Variants in ATP2B2 observed in about 807,000 individuals in gnomAD.
ATP2B2 encodes the protein plasma membrane calcium-transporting ATPase 2.
ATP2B2 carries 15 observed loss-of-function variants against 120.0 expected under a neutral mutation model. The observed-to-expected ratio is 0.12, with a 90% CI of 0.08 to 0.19. The LOEUF (loss-of-function observed/expected upper bound fraction) is 0.19, where lower values mean the gene tolerates loss of function less well. Ranked by LOEUF, ATP2B2 falls within the 10% of genes least tolerant of loss-of-function variation. The pLI is 1.00. For missense variants in ATP2B2, 1,045 were observed against 1,719.8 expected (o/e 0.61, Z 6.94); for synonymous variants, 694 against 700.3 (o/e 0.99, Z 0.14).
chr3:10,435,720 G>A (rs2125118807), intron 2 of ATP2B2, among the ~76,000 whole-genome samples: 1 of 152,230 alleles, frequency 6.6e-6, no homozygotes, highest in South Asian at 2.1e-4. Context: ...GAAGTGAGGA[G>A]GTAGAGGTGG....
intron 22 of ATP2B2, among the ~76,000 whole-genome samples, chr3:10,336,749 C>T (rs77514243): frequency 0.031 from 4,743 of 152,262 alleles, 246 homozygotes; most frequent in African/African-American, 0.11. Flanking sequence ...CTCTCTGAGT[C>T]GAGTTTCTTG....
chr3:10,541,912 A>C (rs1028104507), intron 2 of ATP2B2, among the ~76,000 whole-genome samples: 1 of 152,096 alleles, frequency 6.6e-6, no homozygotes, highest in Admixed American at 6.5e-5. Context: ...TTTTTGCCTT[A>C]CATATTTTAC....
intron 5 of ATP2B2, among the ~76,000 whole-genome samples, chr3:10,391,217 G>A (rs1459192014): frequency 6.6e-6 from 1 of 152,184 alleles, no homozygotes; most frequent in Non-Finnish European, 1.5e-5. Flanking sequence ...TCAGAGTGGA[G>A]GGGTGGACTG....
intron 17 of ATP2B2, 73 bp from the exon 18 acceptor site, chr3:10,345,648 C>T (rs1047949586): frequency 1.1e-5 from 15 of 1,411,422 alleles, no homozygotes; most frequent in Non-Finnish European, 1.4e-5. Context: ...ACCATCCTCA[C>T]TCCCTCCACT....
At chr3:10,535,279 C>G (rs1380801187) in intron 2 of ATP2B2, among the ~76,000 whole-genome samples, 1 of 152,134 alleles carries the variant, frequency 6.6e-6, no homozygotes, top group Non-Finnish European at 1.5e-5. Context: ...AGATCCCATG[C>G]ACCTCCCTCC....
At chr3:10,690,059 C>T (rs1020190835) in intron 1 of ATP2B2, among the ~76,000 whole-genome samples, 3 of 152,236 alleles carry the variant, frequency 2.0e-5, no homozygotes, top group African/African-American at 7.2e-5. Context: ...ACTCTGTCCT[C>T]CAACTGCAGA....
intron 2 of ATP2B2, among the ~76,000 whole-genome samples, chr3:10,433,652 G>A (rs2063390501): frequency 6.6e-6 from 1 of 152,162 alleles, no homozygotes; most frequent in African/African-American, 2.4e-5. Context: ...TAGAGTGCCT[G>A]GGAGAACCCA....
intron 2 of ATP2B2, among the ~76,000 whole-genome samples, chr3:10,548,530 A>G (rs1402741522): frequency 2.0e-5 from 3 of 152,168 alleles, no homozygotes; most frequent in Non-Finnish European, 4.4e-5. Context: ...CAGTTGGTGT[A>G]TAGATAGTGT....
At chr3:10,665,012 A>C (rs987247846) in intron 1 of ATP2B2, among the ~76,000 whole-genome samples, 1 of 152,088 alleles carries the variant, frequency 6.6e-6, no homozygotes, top group Admixed American at 6.6e-5. Context: ...TCCTCCTCTG[A>C]GCCACTAGCA....
chr3:10,417,783 T>C (rs956302269), intron 2 of ATP2B2, among the ~76,000 whole-genome samples: 6 of 151,162 alleles, frequency 4.0e-5, no homozygotes, highest in Admixed American at 4.0e-4. Flanking sequence ...TTGGAAGGAG[T>C]GAGGGTTGAT....
At chr3:10,453,742 A>C (rs1280006581) in intron 1 of ATP2B2, among the ~76,000 whole-genome samples, 1 of 152,168 alleles carries the variant, frequency 6.6e-6, no homozygotes. Flanking sequence ...AATCGTTAGC[A>C]GCAATTATAT....
intron 1 of ATP2B2, among the ~76,000 whole-genome samples, chr3:10,479,856 G>A (rs1226580933): frequency 6.6e-6 from 1 of 152,162 alleles, no homozygotes; most frequent in Non-Finnish European, 1.5e-5. Context: ...AGCACTTTAG[G>A]AGGCCAAGGT....
intron 1 of ATP2B2, among the ~76,000 whole-genome samples, chr3:10,648,635 C>T (rs1372368637): frequency 2.0e-5 from 3 of 152,210 alleles, no homozygotes; most frequent in Non-Finnish European, 4.4e-5. Context: ...CAAACTCCCC[C>T]AAACCTGGTC....
At chr3:10,454,284 G>GA (rs1206188455) in intron 1 of ATP2B2, among the ~76,000 whole-genome samples, 1 of 152,212 alleles carries the variant, frequency 6.6e-6, no homozygotes, top group Non-Finnish European at 1.5e-5. Context: ...GGGTAACCAG[G>GA]AATGCCTTTC....
intron 3 of ATP2B2, among the ~76,000 whole-genome samples, chr3:10,408,388 C>T (rs1332622699): frequency 2.0e-5 from 3 of 152,140 alleles, no homozygotes; most frequent in East Asian, 3.9e-4. Flanking sequence ...GATGGAGCCC[C>T]AGCCTGACTT....
intron 2 of ATP2B2, among the ~76,000 whole-genome samples, chr3:10,608,254 C>T (rs2069137939): frequency 6.6e-6 from 1 of 152,188 alleles, no homozygotes; most frequent in African/African-American, 2.4e-5. Flanking sequence ...CACATCAAGC[C>T]CCCATTATAA....
intron 1 of ATP2B2, among the ~76,000 whole-genome samples, chr3:10,498,897 C>A (rs971027701): frequency 5.3e-5 from 8 of 152,214 alleles, no homozygotes; most frequent in African/African-American, 1.7e-4. Context: ...CTTTAAGATG[C>A]CCACAAGCAG....
chr3:10,597,051 A>G lies in ATP2B2; in HGVS notation c.-415+22866T>C, dbSNP rs111454722. On this transcript the variant is annotated intron_variant, in intron 2 of 21. Transcript: ENST00000646379. Reference sequence around the variant, plus strand: ...CACACCCAGACACACACAGGTGCGCACACACACAGGGCCACACACACACAC... The same window carrying G: ...CACACCCAGACACACACAGGTGCGCGCACACACAGGGCCACACACACACAC... 3.2e-3 allele frequency among the ~76,000 whole-genome samples: 394 copies of G among 123,388 alleles called. 2 individuals are homozygous for G. Among genetic ancestry groups the G allele is most frequent in the African/African-American group, 0.012 (379 of 32,544 alleles). 80.9% of individuals were successfully genotyped at this position (123,388 alleles called of 152,430 possible). A position where few individuals can be genotyped will look rare whatever the true frequency, so the allele number is the denominator to read the frequency against.
At chr3:10,360,294 G>A (rs2060860630) in intron 12 of ATP2B2, among the ~76,000 whole-genome samples, 171 bp from the exon 13 acceptor site, 1 of 152,208 alleles carries the variant, frequency 6.6e-6, no homozygotes, top group South Asian at 2.1e-4. Flanking sequence ...CTGCATCCCA[G>A]GTCCAGTCCT....
Sources: allele counts gnomAD v4.1 joint callset (sites outside exome capture counted in the v4.1 genomes callset), GRCh38; gene constraint gnomAD v4.1.1; transcripts MANE v1.5; gene names NCBI Gene and HGNC (gene_info 2026-07-23, HGNC 2026-07-21).